Variants in TYW1B observed in about 807,000 individuals in gnomAD.
TYW1B encodes tRNA-yW synthesizing protein 1 homolog B.
In TYW1B, 73 loss-of-function variants were observed where a neutral mutation model predicts 86.9. The observed-to-expected ratio is 0.84, with a 90% confidence interval of 0.70 to 1.02. The LOEUF (loss-of-function observed/expected upper bound fraction) is 1.02, where lower values mean the gene tolerates loss of function less well. Among genes scored for constraint, TYW1B ranks in the 50% least tolerant of loss-of-function variants. TYW1B has a pLI of 0.00. For missense variants in TYW1B, 637 were observed against 827.4 expected, an observed-to-expected ratio of 0.77 and a Z score of 2.82; for synonymous variants, 248 against 292.8, an observed-to-expected ratio of 0.85 and a Z score of 1.56.
chr7:72,679,041 G>C (rs1475465922), intron 11 of TYW1B, among the ~76,000 whole-genome samples: 3 of 152,108 alleles, frequency 2.0e-5, no homozygotes, highest in African/African-American at 7.2e-5. Context: ...GGTTGAGACT[G>C]CAGTGAGCCG....
At chr7:72,785,778 G>A (rs1313245441) in intron 6 of TYW1B, among the ~76,000 whole-genome samples, 1 of 152,122 alleles carries the variant, frequency 6.6e-6, no homozygotes, top group Non-Finnish European at 1.5e-5. Context: ...GGATGATCAT[G>A]CGGAAAGCAC....
Position 72,756,949 on chromosome 7 carries a change from C to G in TYW1B, c.965-12348G>C, listed in dbSNP as rs549451873. Among the ~76,000 whole-genome samples, 140 of 152,190 alleles carry G rather than the reference C, an allele frequency of 9.2e-4. 1 individual carries two copies. Among genetic ancestry groups the G allele is most frequent in the African/African-American group, 3.1e-3 (129 of 41,534 alleles). ...TCTAAGAGATACCACCTGATACGCC[C>G]TAGGATGGCAATAATCAAAAAAATG... is the stretch of plus-strand genomic sequence containing the variant. On this transcript the variant is annotated intron_variant, in intron 7 of 13. Coordinates refer to ENST00000620995, the MANE Select transcript of TYW1B (RefSeq NM_001145440.3).
chr7:72,789,553 A>C (rs184189436), intron 6 of TYW1B, among the ~76,000 whole-genome samples: 1 of 152,326 alleles, frequency 6.6e-6, no homozygotes, highest in Admixed American at 6.5e-5. Flanking sequence ...AAGTAACAAA[A>C]TGCTAAAACA....
At chr7:72,634,081 T>TA (rs1476684008) in intron 11 of TYW1B, among the ~76,000 whole-genome samples, 1 of 152,146 alleles carries the variant, frequency 6.6e-6, no homozygotes, top group East Asian at 1.9e-4. Flanking sequence ...ATGAACACAC[T>TA]ACTAGCGAAC....
At chr7:72,819,925 A>G (rs1788795829) in intron 2 of TYW1B, among the ~76,000 whole-genome samples, 1 of 152,198 alleles carries the variant, frequency 6.6e-6, no homozygotes, top group Non-Finnish European at 1.5e-5. Flanking sequence ...TGGACCTGTC[A>G]GCAGAAACCC....
intron 13 of TYW1B, among the ~76,000 whole-genome samples, chr7:72,605,671 C>T (rs1478492967): frequency 6.6e-6 from 1 of 152,054 alleles, no homozygotes; most frequent in Non-Finnish European, 1.5e-5. Context: ...CTTTTCAACA[C>T]TAGTACCCTT....
intron 11 of TYW1B, among the ~76,000 whole-genome samples, chr7:72,633,511 T>C (rs1358086682): frequency 2.6e-4 from 40 of 152,240 alleles, no homozygotes; most frequent in Middle Eastern, 3.2e-3. Flanking sequence ...AACATGAATG[T>C]ATAACTCCAG....
At chr7:72,759,295 AC>A (rs1380481831) in intron 7 of TYW1B, among the ~76,000 whole-genome samples, 3 of 152,204 alleles carry the variant, frequency 2.0e-5, no homozygotes, top group Admixed American at 2.0e-4. Context: ...AGATTGCACC[AC>A]CGTAATCCAG....
At chr7:72,588,640 T>C (rs1554430887) in intron 13 of TYW1B, among the ~76,000 whole-genome samples, 1 of 152,182 alleles carries the variant, frequency 6.6e-6, no homozygotes, top group Non-Finnish European at 1.5e-5. Context: ...ATCATGGAGA[T>C]CAAGGAGACT....
At chr7:72,779,373 G>A (rs1788010027) in intron 6 of TYW1B, among the ~76,000 whole-genome samples, 2 of 152,424 alleles carry the variant, frequency 1.3e-5, no homozygotes, top group South Asian at 2.1e-4. Flanking sequence ...ATATCACTCT[G>A]TGTACTTTTG....
chr7:72,602,896 G>A (rs79307057), intron 13 of TYW1B, among the ~76,000 whole-genome samples: 3,734 of 142,206 alleles, frequency 0.026, 104 homozygotes, highest in African/African-American at 0.089. Flanking sequence ...AATGTTGATG[G>A]GGTTATGGCA....
In TYW1B at chr7:72,612,065, C is replaced by T. The variant is rs531636938; in HGVS notation, c.1785+4607G>A. On this transcript the variant is annotated intron_variant, in intron 13 of 13. Coordinates refer to ENST00000620995, the MANE Select transcript of TYW1B (RefSeq NM_001145440.3). ...TTTTTCTCTCTCTCTCTTTCTTTCT[C>T]GATGGGTTCTCGCTCTGTCGCCCAG... Among the ~76,000 whole-genome samples, 9 of 152,140 alleles carry T rather than the reference C, an allele frequency of 5.9e-5. No individual in the cohort carries two copies. The East Asian group carries it at 7.7e-4, about 13-fold the overall frequency.
chr7:72,719,126 G>A (rs1554456831), intron 9 of TYW1B, among the ~76,000 whole-genome samples: 1 of 151,640 alleles, frequency 6.6e-6, no homozygotes, highest in Non-Finnish European at 1.5e-5. Context: ...TTTATTTTGT[G>A]AACTGAAAAA....
At chr7:72,722,609 A>C (rs1231468151) in intron 9 of TYW1B, among the ~76,000 whole-genome samples, 1 of 152,222 alleles carries the variant, frequency 6.6e-6, no homozygotes, top group African/African-American at 2.4e-5. Flanking sequence ...TCAGTGAAAT[A>C]ACTGAAAAGA....
intron 10 of TYW1B, among the ~76,000 whole-genome samples, chr7:72,712,921 C>T (rs1489186765): frequency 6.6e-6 from 1 of 152,116 alleles, no homozygotes. Flanking sequence ...ATCACAAATA[C>T]CCCAACTCCA....
At chr7:72,748,876 T>A (rs1446424744) in intron 7 of TYW1B, among the ~76,000 whole-genome samples, 4 of 152,104 alleles carry the variant, frequency 2.6e-5, no homozygotes, top group Non-Finnish European at 4.4e-5. Context: ...TCCTGAGAGA[T>A]TAGTCTTTAG....
chr7:72,658,269 G>A (rs185473318), intron 11 of TYW1B, among the ~76,000 whole-genome samples: 236 of 147,374 alleles, frequency 1.6e-3, no homozygotes, highest in Middle Eastern at 3.5e-3. Flanking sequence ...AAAAAAAAAA[G>A]AAAGTCATTA....
At chr7:72,627,507 TAACA>T (rs1238219159) in intron 12 of TYW1B, among the ~76,000 whole-genome samples, 2 of 146,870 alleles carry the variant, frequency 1.4e-5, no homozygotes, top group African/African-American at 2.5e-5. Context: ...TAACATAACA[TAACA>T]TAAATAAAAT....
intron 2 of TYW1B, among the ~76,000 whole-genome samples, chr7:72,817,602 G>A (rs1308863580): frequency 1.3e-5 from 2 of 152,034 alleles, no homozygotes; most frequent in Non-Finnish European, 2.9e-5. Flanking sequence ...CCAGTGGAGG[G>A]TCTTGACTAG....
Sources: allele counts gnomAD v4.1 joint callset (sites outside exome capture counted in the v4.1 genomes callset), GRCh38; gene constraint gnomAD v4.1.1; transcripts MANE v1.5; gene names NCBI Gene and HGNC (gene_info 2026-07-23, HGNC 2026-07-21).